The following WDR20 variants were observed in gnomAD, a reference collection of about 807,000 sequenced individuals.
WDR20 encodes WD repeat-containing protein 20.
A neutral mutation model predicts 38.7 loss-of-function variants in WDR20; 3 were observed. That is an observed-to-expected ratio of 0.08 (90% CI 0.04 to 0.20). The LOEUF (loss-of-function observed/expected upper bound fraction) is 0.20, where lower values mean the gene tolerates loss of function less well. WDR20 is among the 10% of genes least tolerant of loss of function. The probability of loss-of-function intolerance (pLI) is 1.00; values close to 1 mark genes in which losing one functional copy is unlikely to be tolerated. For synonymous variants in WDR20, 298 were observed against 285.6 expected (o/e 1.04, Z -0.44); for missense variants, 559 against 727.7 (o/e 0.77, Z 2.67).
chr14:102,139,606 G>C, upstream of WDR20: 1 of 666,918 alleles, frequency 1.5e-6, no homozygotes, highest in Non-Finnish European at 2.5e-6. Flanking sequence ...GGCCCTGGCG[G>C]CTGCGGAACG....
upstream of WDR20, chr14:102,139,850 G>C (rs1347772584): frequency 3.2e-6 from 5 of 1,570,926 alleles, no homozygotes; most frequent in Non-Finnish European, 4.3e-6. Flanking sequence ...GGGGGAAGAG[G>C]GAGCACCAGG....
intron 1 of WDR20, among the ~76,000 whole-genome samples, chr14:102,175,826 T>C (rs2061935325): frequency 6.6e-6 from 1 of 152,190 alleles, no homozygotes; most frequent in South Asian, 2.1e-4. Context: ...GTAAAAGGGG[T>C]TAAGTTCTTG....
chr14:102,197,330 G>A (rs2059581692), intron 2 of WDR20, among the ~76,000 whole-genome samples: 1 of 152,182 alleles, frequency 6.6e-6, no homozygotes, highest in Non-Finnish European at 1.5e-5. Context: ...GAGAGTACTG[G>A]GCACGTGTCA....
Position 102,140,234 on chromosome 14 carries a change from G to C in WDR20, c.249+62G>C. ...GTAGGCAGAGGCCGGGAGCAGGGCG[G>C]TGACAGTGGGGCCAGGGTGACCGAG... On this transcript the variant is annotated intron_variant, in intron 1 of 2. Coordinates refer to ENST00000342702, the MANE Select transcript of WDR20 (RefSeq NM_144574.4). 3 of 1,592,872 alleles carry C rather than the reference G, an allele frequency of 1.9e-6. No individual in the cohort carries two copies. The East Asian group carries it at 6.7e-5, about 36-fold the overall frequency.
intron 1 of WDR20, among the ~76,000 whole-genome samples, chr14:102,192,998 TAAAA>T (rs57269658): frequency 7.1e-6 from 1 of 140,830 alleles, no homozygotes; most frequent in African/African-American, 2.6e-5. Flanking sequence ...TTAAGCAAAC[TAAAA>T]AAAAAAAAAG....
intron 1 of WDR20, among the ~76,000 whole-genome samples, chr14:102,162,288 G>A (rs892103846): frequency 1.3e-5 from 2 of 152,108 alleles, no homozygotes; most frequent in Non-Finnish European, 2.9e-5. Flanking sequence ...GTACTGTTTC[G>A]TGGTTTAAAC....
intron 1 of WDR20, among the ~76,000 whole-genome samples, chr14:102,144,428 G>A (rs1191072333): frequency 6.7e-6 from 1 of 150,134 alleles, no homozygotes; most frequent in African/African-American, 2.5e-5. Context: ...GTTGCAGTGA[G>A]CCAAGATCAT....
At chr14:102,169,350 C>T (rs2060381800) in intron 1 of WDR20, among the ~76,000 whole-genome samples, 1 of 152,186 alleles carries the variant, frequency 6.6e-6, no homozygotes. Flanking sequence ...CCTTTCCTGA[C>T]TGATTGTTCT....
At chr14:102,166,117 CTTCTCACCCCCA>C (rs963445921) in intron 1 of WDR20, among the ~76,000 whole-genome samples, 1 of 150,274 alleles carries the variant, frequency 6.7e-6, no homozygotes, top group Non-Finnish European at 1.5e-5. Flanking sequence ...CCCCACCCCC[CTTCTCACCCCCA>C]GATTGGACTA....
At chr14:102,154,933 T>C (rs1275619326) in intron 1 of WDR20, among the ~76,000 whole-genome samples, 2 of 152,180 alleles carry the variant, frequency 1.3e-5, no homozygotes, top group Admixed American at 1.3e-4. Context: ...AGATAATAAT[T>C]GATAGGATTA....
downstream of WDR20, chr14:102,213,638 A>G (rs944848104): frequency 3.0e-6 from 3 of 985,336 alleles, no homozygotes; most frequent in South Asian, 1.4e-4. Flanking sequence ...CTTCACCCCC[A>G]GGGCCCAGCT....
intron 2 of WDR20, among the ~76,000 whole-genome samples, chr14:102,195,554 G>T (rs1282285081): frequency 6.6e-6 from 1 of 152,214 alleles, no homozygotes; most frequent in Non-Finnish European, 1.5e-5. Context: ...CAGTCATTTG[G>T]CTAAGGAGTA....
chr14:102,214,455 A>G (rs191921478), downstream of WDR20: 472 of 985,476 alleles, frequency 4.8e-4, no homozygotes, highest in African/African-American at 6.3e-3. Flanking sequence ...GTTACGAACT[A>G]TAAGAACGTG....
In WDR20 at chr14:102,210,226, A is replaced by G. The variant is rs766140217; in HGVS notation, c.*346A>G. ...CTTTAAAATGCTGAAATTAAAATTT[A>G]TGCTTTAACTGGAATATTTTTTGCT... is the stretch of plus-strand genomic sequence containing the variant. On this transcript the variant is annotated 3_prime_UTR_variant, in exon 3 of 3. Transcript: ENST00000342702. 6.2e-5 allele frequency: 64 copies of G among 1,025,914 alleles called. No individual in the cohort carries two copies. Among genetic ancestry groups the G allele is most frequent in the Non-Finnish European group, 6.8e-5 (58 of 855,572 alleles). 63.6% of individuals were successfully genotyped at this position (1,025,914 alleles called of 1,614,324 possible).
At chr14:102,152,948 T>G (rs1266664926) in intron 1 of WDR20, among the ~76,000 whole-genome samples, 1 of 152,144 alleles carries the variant, frequency 6.6e-6, no homozygotes, top group African/African-American at 2.4e-5. Context: ...GGAGTCTCAT[T>G]GGGAGCTCTG....
chr14:102,153,899 C>G (rs1021516584), intron 1 of WDR20, among the ~76,000 whole-genome samples: 2 of 152,156 alleles, frequency 1.3e-5, no homozygotes, highest in Non-Finnish European at 2.9e-5. Context: ...TTTTAAATAC[C>G]CTTTGTCTGG....
At chr14:102,196,815 A>T (rs1029180499) in intron 2 of WDR20, among the ~76,000 whole-genome samples, 1 of 152,190 alleles carries the variant, frequency 6.6e-6, no homozygotes, top group Non-Finnish European at 1.5e-5. Flanking sequence ...GTTATCTCAT[A>T]CTCACTTTAC....
chr14:102,172,530 C>CG (rs2061078127), intron 1 of WDR20, among the ~76,000 whole-genome samples: 1 of 136,242 alleles, frequency 7.3e-6, no homozygotes, highest in African/African-American at 2.8e-5. Flanking sequence ...GCTGGCCGGG[C>CG]GGGGGGCTGA....
intron 2 of WDR20, 89 bp downstream of exon 2, chr14:102,195,209 A>G (rs1319651044): frequency 3.5e-6 from 5 of 1,433,576 alleles, no homozygotes; most frequent in South Asian, 1.3e-5. Flanking sequence ...TTGCACTTCA[A>G]GCTAAGCCCA....
Sources: gnomAD v4.1 joint callset for allele counts (sites outside exome capture counted in the v4.1 genomes callset) on GRCh38, gnomAD v4.1.1 for gene constraint, MANE v1.5 for transcripts, NCBI Gene and HGNC (gene_info 2026-07-23, HGNC 2026-07-21) for gene names.